The following PCNX1 variants were observed in gnomAD, a reference collection of about 807,000 sequenced individuals.
The protein encoded by PCNX1 is pecanex-like protein 1.
A neutral mutation model predicts 242.2 loss-of-function variants in PCNX1; 78 were observed. The ratio of observed to expected loss-of-function variants is 0.32; its 90% CI spans 0.27 to 0.39. PCNX1 has a LOEUF of 0.39. Among genes scored for constraint, PCNX1 ranks in the 10% least tolerant of loss-of-function variants. PCNX1 has a pLI of 1.00. For missense variants in PCNX1, 2,581 were observed against 2,856.5 expected (o/e 0.90, Z 2.20); for synonymous variants, 1,024 against 1,032.9 (o/e 0.99, Z 0.17).
At chr14:71,093,090 G>A (rs2062178817) in intron 30 of PCNX1, 1 of 152,078 alleles carries the variant, frequency 6.6e-6, no homozygotes, top group African/African-American at 2.4e-5. Flanking sequence ...CATTATACAT[G>A]GTACTCAATG....
At position 70,907,784 on chromosome 14, in the gene PCNX1, G is replaced by C; in HGVS notation, c.-67G>C. The C allele has an allele frequency of 1.7e-6, 2 of 1,208,390 alleles. No homozygotes were observed. The highest frequency in any genetic ancestry group is 2.1e-6 in the Non-Finnish European group (2 of 972,938). The allele number at this position is 1,208,390 out of a possible 1,614,324, so 74.9% of individuals were successfully genotyped here. A position where few individuals can be genotyped will look rare whatever the true frequency, so the allele number is the denominator to read the frequency against. On this transcript the variant is annotated 5_prime_UTR_variant, in exon 1 of 36. Transcript: ENST00000304743. ...GGCAGCTGCAGGCTCCGGCGACCGA[G>C]GCCGAGCTGGGGCCGGGGCGGGGAC...
intron 33 of PCNX1, among the ~76,000 whole-genome samples, chr14:71,106,499 A>T (rs997709117): frequency 2.6e-5 from 4 of 152,068 alleles, no homozygotes; most frequent in Non-Finnish European, 5.9e-5. Flanking sequence ...GCCAAAGCCT[A>T]TGAGAATAAG....
At chr14:71,088,084 A>G (rs1302872656) in intron 28 of PCNX1, among the ~76,000 whole-genome samples, 1 of 152,160 alleles carries the variant, frequency 6.6e-6, no homozygotes, top group Non-Finnish European at 1.5e-5. Flanking sequence ...ATTTTATAAT[A>G]GAGTCAGTTT....
At chr14:71,070,061 T>C (rs1053266943) in intron 26 of PCNX1, among the ~76,000 whole-genome samples, 1 of 152,178 alleles carries the variant, frequency 6.6e-6, no homozygotes, top group African/African-American at 2.4e-5. Flanking sequence ...TAACCAAGGC[T>C]CACAACATCT....
At chr14:70,941,405 C>T (rs909601593) in intron 1 of PCNX1, among the ~76,000 whole-genome samples, 1 of 152,338 alleles carries the variant, frequency 6.6e-6, no homozygotes, top group East Asian at 1.9e-4. Flanking sequence ...ACTCCAGACC[C>T]TGTTTGCCTG....
At chr14:70,933,251 G>A (rs1424221239) in intron 1 of PCNX1, among the ~76,000 whole-genome samples, 1 of 152,180 alleles carries the variant, frequency 6.6e-6, no homozygotes, top group African/African-American at 2.4e-5. Flanking sequence ...TGGTGGTGTT[G>A]GCGGTGATAG....
At chr14:70,961,037 C>T (rs1241278776) in intron 2 of PCNX1, among the ~76,000 whole-genome samples, 3 of 152,180 alleles carry the variant, frequency 2.0e-5, no homozygotes, top group Non-Finnish European at 4.4e-5. Flanking sequence ...AATGGAAGAA[C>T]ATTCCATGCT....
At chr14:70,995,542 C>T (rs149761977) in intron 7 of PCNX1, among the ~76,000 whole-genome samples, 199 bp from the exon 8 acceptor site, 61 of 152,220 alleles carry the variant, frequency 4.0e-4, no homozygotes, top group Non-Finnish European at 8.8e-5. Context: ...GCATTTGTCT[C>T]TTCAAATCAA....
chr14:71,076,510 C>T, intron 28 of PCNX1, 91 bp downstream of exon 28: 2 of 762,004 alleles, frequency 2.6e-6, no homozygotes, highest in South Asian at 3.3e-5. Flanking sequence ...GTCAGTTTTT[C>T]AAGACCTTCC....
At chr14:71,006,032 C>T (rs906464225) in intron 8 of PCNX1, among the ~76,000 whole-genome samples, 1 of 151,180 alleles carries the variant, frequency 6.6e-6, no homozygotes, top group Non-Finnish European at 1.5e-5. Context: ...AAGTGATCCT[C>T]CTACCTCAAC....
chr14:70,942,007 C>T (rs944701647), intron 1 of PCNX1, among the ~76,000 whole-genome samples: 3 of 152,130 alleles, frequency 2.0e-5, no homozygotes, highest in African/African-American at 7.2e-5. Flanking sequence ...GGGAGTGTCC[C>T]GATTTTCCAG....
At position 71,019,058 on chromosome 14, in the gene PCNX1, G is replaced by A. The variant is rs1423995520; in HGVS notation, c.3046G>A (p.Val1016Met). Residue 1016 changes from valine (V) to methionine (M), a missense_variant, in exon 12 of 36, where the codon GTG becomes ATG. Coordinates refer to ENST00000304743, the MANE Select transcript of PCNX1 (RefSeq NM_014982.3). ...GTTAGCTGTCATCCTGGCTATTCTCGTGGCCTTTTTGGGATCTATTCTTCT... is the reference window on the plus strand; with the variant it reads ...GTTAGCTGTCATCCTGGCTATTCTCATGGCCTTTTTGGGATCTATTCTTCT... ...NVLAVILAIL[V>M]AFLGSILLIQ... is the part of the protein sequence containing the mutation. 15 of 1,612,792 alleles carry A rather than the reference G, an allele frequency of 9.3e-6. No individual in the cohort carries two copies. The highest frequency in any genetic ancestry group is 4.4e-5 in the South Asian group (4 of 90,916).
intron 16 of PCNX1, among the ~76,000 whole-genome samples, chr14:71,030,026 G>T (rs1478347925): frequency 6.6e-6 from 1 of 152,142 alleles, no homozygotes; most frequent in African/African-American, 2.4e-5. Flanking sequence ...TTTCTCTTGG[G>T]TAAATACCTA....
chr14:70,933,130 A>T (rs985014790), intron 1 of PCNX1, among the ~76,000 whole-genome samples: 16 of 152,224 alleles, frequency 1.1e-4, no homozygotes, highest in African/African-American at 3.9e-4. Flanking sequence ...TGTTTTCAGA[A>T]TTTTGTTACT....
intron 1 of PCNX1, among the ~76,000 whole-genome samples, chr14:70,926,719 G>A (rs1594914132): frequency 1.3e-5 from 2 of 152,212 alleles, no homozygotes; most frequent in East Asian, 3.9e-4. Context: ...TTACCCTCAA[G>A]GGGGCAGAAA....
At chr14:70,976,624 T>C (rs894961695) in intron 5 of PCNX1, among the ~76,000 whole-genome samples, 36 of 152,174 alleles carry the variant, frequency 2.4e-4, no homozygotes, top group African/African-American at 6.3e-4. Context: ...CCACCCACCT[T>C]GGCCTCCCAA....
chr14:71,019,210 A>G, intron 12 of PCNX1, 48 bp downstream of exon 12: 1 of 1,451,360 alleles, frequency 6.9e-7, no homozygotes, highest in Non-Finnish European at 9.4e-7. Flanking sequence ...TTTGTGTTAA[A>G]AGGCAGAGGA....
chr14:70,987,648 T>G (rs2059037952), intron 6 of PCNX1, among the ~76,000 whole-genome samples: 1 of 152,138 alleles, frequency 6.6e-6, no homozygotes, highest in Non-Finnish European at 1.5e-5. Flanking sequence ...ACACAGTTGT[T>G]TTGTTTTATA....
At chr14:71,048,569 C>T (rs2060930856) in intron 22 of PCNX1, among the ~76,000 whole-genome samples, 1 of 152,182 alleles carries the variant, frequency 6.6e-6, no homozygotes. Context: ...ATAGGCTGTA[C>T]AGTCAGATTA....
Sources: gnomAD v4.1 joint callset for allele counts (sites outside exome capture counted in the v4.1 genomes callset) on GRCh38, gnomAD v4.1.1 for gene constraint, MANE v1.5 for transcripts, NCBI Gene and HGNC (gene_info 2026-07-23, HGNC 2026-07-21) for gene names.